ZFHX3: variants seen among roughly 807,000 people sequenced by gnomAD.
ZFHX3 encodes zinc finger homeobox protein 3.
ZFHX3 carries 42 observed loss-of-function variants against 279.1 expected under a neutral mutation model. The observed-to-expected ratio is 0.15, with a 90% CI of 0.12 to 0.19. The LOEUF (loss-of-function observed/expected upper bound fraction) is 0.19, where lower values mean the gene tolerates loss of function less well. Among genes scored for constraint, ZFHX3 ranks in the 10% least tolerant of loss-of-function variants. The pLI, the probability that ZFHX3 is intolerant of heterozygous loss-of-function variation, is 1.00. For missense variants in ZFHX3, 4,981 were observed against 4,754.0 expected (o/e 1.05, Z -1.40); for synonymous variants, 2,293 against 1,957.8 (o/e 1.17, Z -4.52).
At chr16:73,319,910 T>G (rs2015539214) in intron 3 of ZFHX3, among the ~76,000 whole-genome samples, 1 of 152,196 alleles carries the variant, frequency 6.6e-6, no homozygotes, top group Non-Finnish European at 1.5e-5. Context: ...GGCGACGTGA[T>G]GGTTTGTTCA....
rs568854869 is a variant in ZFHX3 at position 73,371,424 on chromosome 16, G to T, written c.-1290-53088C>A. ...TTTTGAGACAGAGTCTCGCCCTATT[G>T]CCCAGGCTGGAGTGCAGTGGCGCCA... On this transcript the variant is annotated intron_variant, in intron 3 of 17. Coordinates refer to the ZFHX3 transcript ENST00000641206. 2.4e-4 allele frequency among the ~76,000 whole-genome samples: 36 copies of T among 151,756 alleles called. 1 individual carries two copies. Among genetic ancestry groups the T allele is most frequent in the African/African-American group, 8.0e-4 (33 of 41,398 alleles).
chr16:73,484,932 C>T (rs898827509), intron 2 of ZFHX3, among the ~76,000 whole-genome samples: 4 of 151,876 alleles, frequency 2.6e-5, no homozygotes, highest in Non-Finnish European at 5.9e-5. Context: ...GATACTACCA[C>T]ATACTCGCCT....
intron 5 of ZFHX3, among the ~76,000 whole-genome samples, chr16:73,198,727 C>A (rs958951815): frequency 6.6e-6 from 1 of 152,176 alleles, no homozygotes. Flanking sequence ...ATGTTGGAAG[C>A]GAAGGGCTTC....
chr16:72,837,616 C>A (rs542926569), intron 4 of ZFHX3, among the ~76,000 whole-genome samples: 4 of 146,634 alleles, frequency 2.7e-5, no homozygotes, highest in East Asian at 3.9e-4. Flanking sequence ...CAGGCACATG[C>A]CACCACGCCT....
At chr16:73,816,597 A>T (rs563091020) in intron 1 of ZFHX3, among the ~76,000 whole-genome samples, 4 of 150,484 alleles carry the variant, frequency 2.7e-5, no homozygotes, top group Admixed American at 6.7e-5. Flanking sequence ...TTTGATCCAA[A>T]AAAGGCTGAA....
chr16:73,434,184 T>C (rs2017958582), intron 3 of ZFHX3, among the ~76,000 whole-genome samples: 2 of 152,180 alleles, frequency 1.3e-5, no homozygotes, highest in African/African-American at 4.8e-5. Flanking sequence ...GTTGACAAAA[T>C]GCAGGGTCCC....
rs1345293659 is a variant in ZFHX3 at position 72,798,571 on chromosome 16, A to C, written c.4111T>G (p.Phe1371Val). The change falls in exon 9 of 10, where the codon TTC (phenylalanine) becomes GTC (valine). Residue 1371 changes from phenylalanine to valine, a missense_variant. Phe to Val is a conservative substitution (Grantham distance 50). This residue lies in a region of ZFHX3 where 1,751 missense variants were observed against 1,770.0 expected (regional missense o/e 0.99). Coordinates refer to ENST00000268489, the MANE Select transcript of ZFHX3 (RefSeq NM_006885.4). Reference protein sequence around the residue: ...ICWKKGCNQVFKTSAALQTHF... With the variant: ...ICWKKGCNQVVKTSAALQTHF... ...GTCTGAAGGGCAGCAGAAGTTTTGA[A>C]AACCTGGTTGCACCCCTTCTTCCAG... The C allele has an allele frequency of 6.2e-7, 1 of 1,614,138 alleles. No homozygotes were observed. Among genetic ancestry groups the C allele is most frequent in the Non-Finnish European group, 8.5e-7 (1 of 1,180,032 alleles).
chr16:73,197,939 T>TTG (rs1239025189), intron 5 of ZFHX3, among the ~76,000 whole-genome samples: 1 of 133,756 alleles, frequency 7.5e-6, no homozygotes, highest in African/African-American at 2.8e-5. Flanking sequence ...TTTTTTTTTT[T>TTG]TTTTTTTTTT....
intron 1 of ZFHX3, among the ~76,000 whole-genome samples, chr16:73,735,084 C>T (rs540148979): frequency 2.4e-4 from 37 of 152,176 alleles, no homozygotes; most frequent in African/African-American, 8.7e-4. Context: ...ACTTTAACCA[C>T]GTTAGGTATA....
At chr16:72,976,524 C>A (rs1190274999) in intron 1 of ZFHX3, among the ~76,000 whole-genome samples, 1 of 152,206 alleles carries the variant, frequency 6.6e-6, no homozygotes, top group African/African-American at 2.4e-5. Flanking sequence ...CGCGTCCCTC[C>A]TGTCGATACA....
intron 4 of ZFHX3, among the ~76,000 whole-genome samples, chr16:73,301,661 G>A (rs938586184): frequency 2.6e-5 from 4 of 151,944 alleles, no homozygotes; most frequent in Non-Finnish European, 4.4e-5. Flanking sequence ...CCGATACCAA[G>A]AAAGAGAGAA....
intron 3 of ZFHX3, among the ~76,000 whole-genome samples, chr16:72,940,505 G>A (rs1006135431): frequency 6.6e-6 from 1 of 152,168 alleles, no homozygotes; most frequent in South Asian, 2.1e-4. Flanking sequence ...GCAGCAGGAA[G>A]ACACGGATGC....
In ZFHX3 at chr16:72,793,975, T is replaced by C. The variant is rs142939235; in HGVS notation, c.8707A>G (p.Ser2903Gly). 2.6e-3 allele frequency: 4,135 copies of C among 1,614,240 alleles called. 9 individuals are homozygous for C. Among genetic ancestry groups the C allele is most frequent in the Non-Finnish European group, 3.2e-3 (3,785 of 1,180,030 alleles). ...GTACCTTCATTGTCATATTCCTTGC[T>C]ATAAAAGCTCGGGGCCGGGCTGACC... Reference protein sequence around the residue: ...GLVSPAPSFYSKEYDNEGTVD... With the variant: ...GLVSPAPSFYGKEYDNEGTVD... Residue 2903 changes from serine (S) to glycine (G), a missense_variant, in exon 9 of 10, where the codon AGC becomes GGC. Coordinates refer to ENST00000268489, the MANE Select transcript of ZFHX3 (RefSeq NM_006885.4). The surrounding 1 kb of genome is among the most constrained non-coding windows in gnomAD (Gnocchi z 4.3).
intron 5 of ZFHX3, among the ~76,000 whole-genome samples, chr16:73,174,051 G>A (rs763172588): frequency 6.6e-6 from 1 of 152,094 alleles, no homozygotes; most frequent in Non-Finnish European, 1.5e-5. Flanking sequence ...GTGTGTGAGC[G>A]TCCTCAAGGC....
At chr16:73,873,575 GA>G (rs58640251) in intron 1 of ZFHX3, among the ~76,000 whole-genome samples, 52,120 of 151,622 alleles carry the variant, frequency 0.34, 10,900 homozygotes, top group Non-Finnish European at 0.48. Flanking sequence ...TTTTTACAGA[GA>G]AAAAAAACAT....
At chr16:73,100,371 A>G (rs1019813923) in intron 7 of ZFHX3, among the ~76,000 whole-genome samples, 13 of 152,172 alleles carry the variant, frequency 8.5e-5, no homozygotes, top group Non-Finnish European at 1.8e-4. Context: ...AAGAGCTGAG[A>G]CGATCTCACC....
chr16:72,875,545 G>C (rs988123407), intron 4 of ZFHX3, among the ~76,000 whole-genome samples: 3 of 152,218 alleles, frequency 2.0e-5, no homozygotes, highest in Non-Finnish European at 4.4e-5. Flanking sequence ...ACTTCATTCA[G>C]GGAACTGGAG....
chr16:73,365,464 G>C (rs746784873), intron 3 of ZFHX3, among the ~76,000 whole-genome samples: 2 of 152,186 alleles, frequency 1.3e-5, no homozygotes, highest in Non-Finnish European at 2.9e-5. Context: ...ACTTGCTAGC[G>C]ATGGGGCTCA....
At chr16:73,345,381 T>G (rs1250336180) in intron 3 of ZFHX3, among the ~76,000 whole-genome samples, 1 of 151,106 alleles carries the variant, frequency 6.6e-6, no homozygotes, top group African/African-American at 2.4e-5. Context: ...TTCCTGATGC[T>G]CTCCCTCCCC....
Sources: gnomAD v4.1 joint callset for allele counts (sites outside exome capture counted in the v4.1 genomes callset) on GRCh38, gnomAD v4.1.1 for gene constraint, gnomAD v4.1.1 regional missense constraint, Gnocchi (gnomAD v3.1) non-coding constraint, MANE v1.5 for transcripts, NCBI Gene and HGNC (gene_info 2026-07-23, HGNC 2026-07-21) for gene names.